Variants in B3GLCT observed in about 807,000 individuals in gnomAD.
B3GLCT encodes the protein beta-1,3-glucosyltransferase.
In B3GLCT, 65 loss-of-function variants were observed where a neutral mutation model predicts 63.4. The observed-to-expected ratio is 1.03, with a 90% confidence interval of 0.84 to 1.26. B3GLCT has a LOEUF of 1.26. Among genes scored for constraint, B3GLCT ranks in the 50% most tolerant of loss-of-function variants. The pLI is 0.00. For synonymous variants in B3GLCT, 233 were observed against 219.2 expected (o/e 1.06, Z -0.55); for missense variants, 577 against 604.8 (o/e 0.95, Z 0.48).
chr13:31,204,259 T>C (rs1868826610), intron 1 of B3GLCT, among the ~76,000 whole-genome samples: 2 of 152,180 alleles, frequency 1.3e-5, no homozygotes, highest in South Asian at 4.1e-4. Context: ...TACTTTTTGG[T>C]TATCCCAGGG....
At chr13:31,254,256 A>G (rs1474446404) in intron 6 of B3GLCT, among the ~76,000 whole-genome samples, 1 of 152,264 alleles carries the variant, frequency 6.6e-6, no homozygotes, top group East Asian at 1.9e-4. Context: ...AATGTCCCTG[A>G]TGAACATCAA....
chr13:31,284,864 T>G (rs539477123), intron 11 of B3GLCT, 103 bp downstream of exon 11: 20 of 783,516 alleles, frequency 2.6e-5, no homozygotes, highest in Non-Finnish European at 4.2e-5. Flanking sequence ...GTGCTATAAT[T>G]TTTGCCTCAT....
At chr13:31,240,983 C>T (rs912132300) in intron 4 of B3GLCT, among the ~76,000 whole-genome samples, 1 of 152,106 alleles carries the variant, frequency 6.6e-6, no homozygotes, top group Non-Finnish European at 1.5e-5. Flanking sequence ...TCCTTTTTCA[C>T]ATATACAACT....
At chr13:31,329,007 G>A (rs1427124111) in intron 14 of B3GLCT, among the ~76,000 whole-genome samples, 1 of 152,084 alleles carries the variant, frequency 6.6e-6, no homozygotes, top group Non-Finnish European at 1.5e-5. Flanking sequence ...TCCTCCTCCC[G>A]AGTGAGCTCC....
chr13:31,332,165 T>G lies in B3GLCT; in HGVS notation c.*2497T>G, dbSNP rs906302476. On this transcript the variant is annotated 3_prime_UTR_variant, in exon 15 of 15. Transcript: ENST00000343307. ...TATTGAAGACCTCTTGTTGTATATA[T>G]CCTCAAAAATTAATGTAATTGACAT... 1.3e-5 allele frequency: 2 copies of G among 152,212 alleles called. No homozygotes were observed. Among genetic ancestry groups the G allele is most frequent in the African/African-American group, 4.8e-5 (2 of 41,470 alleles). The allele number at this position is 152,212 out of a possible 1,614,324, so 9.4% of individuals were successfully genotyped here.
At chr13:31,212,267 CTTTTTT>C (rs59719685) in intron 1 of B3GLCT, among the ~76,000 whole-genome samples, 2 of 91,640 alleles carry the variant, frequency 2.2e-5, no homozygotes, top group Admixed American at 1.2e-4. Flanking sequence ...GCATAACTGG[CTTTTTT>C]TTTTTTTTTT....
At chr13:31,265,198 A>G (rs1211640344) in intron 7 of B3GLCT, among the ~76,000 whole-genome samples, 1 of 152,172 alleles carries the variant, frequency 6.6e-6, no homozygotes, top group African/African-American at 2.4e-5. Context: ...GAATTATTAG[A>G]ATTTTCAGTT....
chr13:31,240,467 G>GTT (rs146603707), intron 4 of B3GLCT, among the ~76,000 whole-genome samples: 73 of 129,768 alleles, frequency 5.6e-4, no homozygotes, highest in Admixed American at 9.1e-4. Flanking sequence ...TGCCTCTTTA[G>GTT]TTTTTTTTTT....
At chr13:31,233,774 G>T (rs1870497963) in intron 4 of B3GLCT, among the ~76,000 whole-genome samples, 1 of 152,196 alleles carries the variant, frequency 6.6e-6, no homozygotes, top group African/African-American at 2.4e-5. Flanking sequence ...GGGAAAGGGA[G>T]CATGGATACA....
rs554408275 is a variant in B3GLCT, at chr13:31,266,059, G to A, written c.597-3155G>A. Among the ~76,000 whole-genome samples, 7 of 152,164 alleles carry A rather than the reference G, an allele frequency of 4.6e-5. No homozygotes were observed. In the East Asian group the frequency reaches 1.4e-3, roughly 29 times the overall value. On this transcript the variant is annotated intron_variant, in intron 7 of 14. Coordinates refer to ENST00000343307, the MANE Select transcript of B3GLCT (RefSeq NM_194318.4). ...CTGTCGCCCAGGCTGGAGTACAGTG[G>A]CGCAGTCTCGCTCACTGCAAGTTCC...
chr13:31,267,460 C>G (rs1350377396), intron 7 of B3GLCT, among the ~76,000 whole-genome samples: 1 of 152,226 alleles, frequency 6.6e-6, no homozygotes, highest in Non-Finnish European at 1.5e-5. Context: ...TCCAACTGAG[C>G]AGAATTCAAA....
intron 14 of B3GLCT, among the ~76,000 whole-genome samples, chr13:31,324,456 A>G (rs1411934826): frequency 2.0e-5 from 3 of 152,236 alleles, no homozygotes; most frequent in Non-Finnish European, 4.4e-5. Context: ...AGGGACGGGT[A>G]GTGCTTTTAG....
intron 12 of B3GLCT, among the ~76,000 whole-genome samples, chr13:31,315,505 C>T (rs1874950463): frequency 6.6e-6 from 1 of 152,182 alleles, no homozygotes; most frequent in Admixed American, 6.5e-5. Context: ...GCAAAGCATT[C>T]ATGAGGTGAC....
In B3GLCT at chr13:31,229,180, T is replaced by C; in HGVS notation, c.161-5T>C. 1 of 1,560,324 alleles carries C rather than the reference T, an allele frequency of 6.4e-7. No individual in the cohort carries two copies. The highest frequency in any genetic ancestry group is 1.1e-5 in the South Asian group (1 of 89,596). On this transcript the variant is annotated splice_polypyrimidine_tract_variant and splice_region_variant and intron_variant, in intron 3 of 14. Transcript: ENST00000343307. The stretch of plus-strand genomic sequence containing the variant: ...ATACCTGAAAACTATTTTTTTTTGT[T>C]CTAGACTTAAAAGGAATTGTATTCG...
At chr13:31,218,335 G>A (rs186904094) in intron 2 of B3GLCT, among the ~76,000 whole-genome samples, 40 of 151,886 alleles carry the variant, frequency 2.6e-4, no homozygotes, top group African/African-American at 8.9e-4. Context: ...GATTATAGGC[G>A]CCTGCCACCA....
intron 8 of B3GLCT, among the ~76,000 whole-genome samples, chr13:31,272,918 G>A (rs1419393402): frequency 6.6e-6 from 1 of 152,088 alleles, no homozygotes; most frequent in African/African-American, 2.4e-5. Flanking sequence ...TCCTCCTGAA[G>A]TGTATATCCT....
chr13:31,233,962 A>T (rs1434468899), intron 4 of B3GLCT, among the ~76,000 whole-genome samples: 1 of 152,020 alleles, frequency 6.6e-6, no homozygotes, highest in Non-Finnish European at 1.5e-5. Flanking sequence ...TACTTGAAGA[A>T]TGCACAGTCC....
intron 12 of B3GLCT, among the ~76,000 whole-genome samples, chr13:31,311,960 G>A (rs1256556471): frequency 2.0e-5 from 3 of 152,196 alleles, no homozygotes; most frequent in Non-Finnish European, 4.4e-5. Context: ...AAAGGGGATA[G>A]GAAAAAGGGT....
rs76983073 is a variant in B3GLCT, at chr13:31,309,603, T to G, written c.1065-7963T>G. 5.5e-3 allele frequency among the ~76,000 whole-genome samples: 838 copies of G among 152,316 alleles called. 12 individuals are homozygous for G. Among genetic ancestry groups the G allele is most frequent in the African/African-American group, 0.019 (805 of 41,560 alleles). On this transcript the variant is annotated intron_variant, in intron 12 of 14. Coordinates refer to ENST00000343307, the MANE Select transcript of B3GLCT (RefSeq NM_194318.4). ...GAAACACTTAGGTTTACTGGTTTAT[T>G]TTAAAGGATATTATCAAGGATGCAG...
Sources: allele counts gnomAD v4.1 joint callset (sites outside exome capture counted in the v4.1 genomes callset), GRCh38; gene constraint gnomAD v4.1.1; transcripts MANE v1.5; gene names NCBI Gene and HGNC (gene_info 2026-07-23, HGNC 2026-07-21).